The following C9 variants were observed in gnomAD, a reference collection of about 807,000 sequenced individuals.
C9 encodes complement component C9.
In C9, 63 loss-of-function variants were observed where a neutral mutation model predicts 65.4. The ratio of observed to expected loss-of-function variants is 0.96; its 90% CI spans 0.79 to 1.19. The LOEUF is 1.19. Among genes scored for constraint, C9 ranks in the 50% most tolerant of loss-of-function variants. The probability of loss-of-function intolerance (pLI) is 0.00; values close to 1 mark genes in which losing one functional copy is unlikely to be tolerated. For synonymous variants in C9, 229 were observed against 227.9 expected, an observed-to-expected ratio of 1.00 and a Z score of -0.04; for missense variants, 744 against 670.1, an observed-to-expected ratio of 1.11 and a Z score of -1.22.
chr5:39,346,634 C>G (rs549916682), intron 1 of C9, among the ~76,000 whole-genome samples: 51 of 152,204 alleles, frequency 3.4e-4, no homozygotes, highest in Non-Finnish European at 6.3e-4. Flanking sequence ...CTATTCCAAT[C>G]AATAGAAAAA....
chr5:39,353,231 C>A (rs1234777457), intron 1 of C9, among the ~76,000 whole-genome samples: 1 of 152,180 alleles, frequency 6.6e-6, no homozygotes, highest in African/African-American at 2.4e-5. Flanking sequence ...CCTGCCAACA[C>A]CTTGATTTTA....
Position 39,288,908 on chromosome 5 carries a change from G to A in C9, c.1460C>T (p.Ala487Val). 5 of 1,610,680 alleles carry A rather than the reference G, an allele frequency of 3.1e-6. No individual in the cohort carries two copies. In the South Asian group the frequency reaches 5.5e-5, roughly 18 times the overall value. Residue 487 changes from alanine to valine, a missense_variant, in exon 10 of 11, where the codon GCA becomes GTA. Physicochemically the swap from Ala to Val is moderately conservative, Grantham distance 64. Transcript: ENST00000263408. ...TTCCAAGTTTTGTTTCTTTAGGTGT[G>A]CATTTTTCATTTTCACTGGAACCAG... ...YNLVPVKMKN[A>V]HLKKQNLERA... is the part of the protein sequence containing the mutation.
intron 4 of C9, among the ~76,000 whole-genome samples, chr5:39,339,332 G>A (rs1222703870): frequency 3.3e-5 from 5 of 152,198 alleles, no homozygotes; most frequent in African/African-American, 9.7e-5. Flanking sequence ...TGAAGGGCAC[G>A]TGAAATGCTT....
chr5:39,311,014 T>C (rs754285949), intron 7 of C9, 123 bp downstream of exon 7: 2 of 1,084,748 alleles, frequency 1.8e-6, no homozygotes, highest in Non-Finnish European at 2.8e-6. Context: ...AAGAGAGTCC[T>C]CTCAAAGGAG....
chr5:39,308,193 A>G, intron 8 of C9, 37 bp downstream of exon 8: 1 of 1,595,438 alleles, frequency 6.3e-7, no homozygotes, highest in Non-Finnish European at 8.6e-7. Context: ...ATCTACCCTC[A>G]GGCTTTATAA....
chr5:39,332,256 T>C (rs1233390500), intron 4 of C9, among the ~76,000 whole-genome samples: 1 of 152,176 alleles, frequency 6.6e-6, no homozygotes, highest in African/African-American at 2.4e-5. Flanking sequence ...GAATCAACAT[T>C]GGGGCTTTCT....
At chr5:39,348,719 C>T (rs531099717) in intron 1 of C9, among the ~76,000 whole-genome samples, 1 of 152,258 alleles carries the variant, frequency 6.6e-6, no homozygotes, top group South Asian at 2.1e-4. Flanking sequence ...GGCACATGCA[C>T]ACGTATGTTT....
At chr5:39,346,725 G>C (rs1313054027) in intron 1 of C9, among the ~76,000 whole-genome samples, 1 of 152,112 alleles carries the variant, frequency 6.6e-6, no homozygotes, top group Non-Finnish European at 1.5e-5. Flanking sequence ...CAAAAAAAGA[G>C]AATTTTAGAC....
intron 6 of C9, 121 bp downstream of exon 6, chr5:39,315,653 CA>C (rs1452251476): frequency 3.1e-5 from 23 of 731,222 alleles, no homozygotes; most frequent in African/African-American, 2.0e-4. Flanking sequence ...GTGCTAGCTA[CA>C]TATTTGAGAA....
chr5:39,355,209 G>A (rs1448410789), intron 1 of C9, among the ~76,000 whole-genome samples: 2 of 152,176 alleles, frequency 1.3e-5, no homozygotes, highest in Non-Finnish European at 2.9e-5. Context: ...GTACAGACTG[G>A]AGAATCATGC....
rs931701956 is a variant in C9 at position 39,362,959 on chromosome 5, G to A, written c.77+1429C>T. 6.6e-5 allele frequency among the ~76,000 whole-genome samples: 10 copies of A among 152,178 alleles called. No individual in the cohort carries two copies. The South Asian group carries it at 1.7e-3, about 25-fold the overall frequency. On this transcript the variant is annotated intron_variant, in intron 1 of 10. Coordinates refer to ENST00000263408, the MANE Select transcript of C9 (RefSeq NM_001737.5). ...TGGGGTCCAGCTAATGGGGCTTTCC[G>A]GTCCTCCCTGAAACAGCTGAGTGTG...
intron 4 of C9, among the ~76,000 whole-genome samples, chr5:39,338,869 C>T (rs1579868940): frequency 6.6e-6 from 1 of 152,152 alleles, no homozygotes; most frequent in African/African-American, 2.4e-5. Flanking sequence ...TTTCTTTTCC[C>T]TGAACAAAGG....
intron 9 of C9, among the ~76,000 whole-genome samples, chr5:39,290,555 T>TC (rs1753072109): frequency 6.6e-6 from 1 of 151,944 alleles, no homozygotes; most frequent in South Asian, 2.1e-4. Flanking sequence ...TGTGGACTCA[T>TC]CTTTTCCCTA....
Position 39,284,809 on chromosome 5 carries a change from T to A in C9, c.*390A>T, listed in dbSNP as rs1752960501. On this transcript the variant is annotated 3_prime_UTR_variant, in exon 11 of 11. Transcript: ENST00000263408. Reference sequence around the variant, plus strand: ...TGTAAATAAGAGTTAAATTGCATGGTACAGACGTGTGGTCATGGACCTGGC... The same window carrying A: ...TGTAAATAAGAGTTAAATTGCATGGAACAGACGTGTGGTCATGGACCTGGC... The A allele has an allele frequency of 3.9e-6, 1 of 253,524 alleles. No individual in the cohort carries two copies. The highest frequency in any genetic ancestry group is 7.7e-6 in the Non-Finnish European group (1 of 130,114). The allele number at this position is 253,524 out of a possible 1,614,324, so 15.7% of individuals were successfully genotyped here.
At chr5:39,292,227 A>C (rs1753108537) in intron 9 of C9, among the ~76,000 whole-genome samples, 2 of 151,724 alleles carry the variant, frequency 1.3e-5, no homozygotes, top group South Asian at 4.1e-4. Flanking sequence ...CAACAAAGGG[A>C]AATGCTACAA....
intron 1 of C9, among the ~76,000 whole-genome samples, chr5:39,351,241 T>C (rs1169118938): frequency 3.3e-5 from 5 of 152,162 alleles, no homozygotes; most frequent in Admixed American, 2.0e-4. Flanking sequence ...GCCTAGTCCA[T>C]GAAATCATTT....
Position 39,315,830 on chromosome 5 carries a change from A to T in C9, c.815T>A (p.Phe272Tyr). The change falls in exon 6 of 11, where the codon TTT (phenylalanine) becomes TAT (tyrosine). Residue 272 changes from phenylalanine (F) to tyrosine (Y), a missense_variant. Phe to Tyr is a conservative substitution (Grantham distance 22, BLOSUM62 3). Coordinates refer to ENST00000263408, the MANE Select transcript of C9 (RefSeq NM_001737.5). The part of the protein sequence containing the change: ...ISLHGKGSFR[F>Y]SYSKNETYQL... Reference sequence around the variant, plus strand: ...GTAAGTTTCATTTTTGGAATATGAAAACCGAAAACTACCCTTGCCATGTAA... The same window carrying T: ...GTAAGTTTCATTTTTGGAATATGAATACCGAAAACTACCCTTGCCATGTAA... The T allele has an allele frequency of 6.2e-7, 1 of 1,609,754 alleles. No individual in the cohort carries two copies. Among genetic ancestry groups the T allele is most frequent in the Non-Finnish European group, 8.5e-7 (1 of 1,176,202 alleles).
At chr5:39,362,459 C>A (rs1288133340) in intron 1 of C9, among the ~76,000 whole-genome samples, 1 of 152,164 alleles carries the variant, frequency 6.6e-6, no homozygotes. Context: ...GGACCCTTCC[C>A]AGAGTATCGG....
intron 1 of C9, among the ~76,000 whole-genome samples, chr5:39,344,109 A>T (rs1070310): frequency 0.024 from 3,709 of 152,326 alleles, 162 homozygotes; most frequent in African/African-American, 0.086. Context: ...TCTAAAAATC[A>T]GAGCACCTCT....
Sources: gnomAD v4.1 joint callset for allele counts (sites outside exome capture counted in the v4.1 genomes callset) on GRCh38, gnomAD v4.1.1 for gene constraint, MANE v1.5 for transcripts, NCBI Gene and HGNC (gene_info 2026-07-23, HGNC 2026-07-21) for gene names.